Variants in DHCR24 observed in about 807,000 individuals in gnomAD.
DHCR24 encodes 24-dehydrocholesterol reductase, also known as delta(24)-sterol reductase.
In DHCR24, 28 loss-of-function variants were observed where a neutral mutation model predicts 61.2. The ratio of observed to expected loss-of-function variants is 0.46; its 90% CI spans 0.34 to 0.63. The LOEUF is 0.63. Among genes scored for constraint, DHCR24 ranks in the 20% least tolerant of loss-of-function variants. The pLI, the probability that DHCR24 is intolerant of heterozygous loss-of-function variation, is 0.01. For missense variants in DHCR24, 538 were observed against 679.1 expected (o/e 0.79, Z 2.31); for synonymous variants, 261 against 275.9 (o/e 0.95, Z 0.54).
chr1:54,870,892 T>C (rs542150614), intron 5 of DHCR24, among the ~76,000 whole-genome samples: 31 of 151,580 alleles, frequency 2.0e-4, no homozygotes, highest in African/African-American at 6.3e-4. Context: ...CCTTTCTAAA[T>C]GGAGAAAAAA....
rs372824569 is a variant in DHCR24 at position 54,876,090 on chromosome 1, C to G, written c.388-43G>C. 2.2e-5 allele frequency: 33 copies of G among 1,529,234 alleles called. No homozygotes were observed. In the African/African-American group the frequency reaches 4.4e-4, roughly 20 times the overall value. 94.7% of individuals were successfully genotyped at this position (1,529,234 alleles called of 1,614,324 possible). ...GAGACCCTGGGTCAAAAGGAGGCTG[C>G]CAGGCCCAAGGGGAGCTGCTGCACA... On this transcript the variant is annotated intron_variant, in intron 2 of 8. Coordinates refer to ENST00000371269, the MANE Select transcript of DHCR24 (RefSeq NM_014762.4).
Position 54,864,552 on chromosome 1 carries a change from G to A in DHCR24, c.1020+751C>T, listed in dbSNP as rs375416267. Among the ~76,000 whole-genome samples the A allele has an allele frequency of 9.2e-5, 14 of 152,334 alleles. No homozygotes were observed. In the East Asian group the frequency reaches 2.3e-3, roughly 25 times the overall value. On this transcript the variant is annotated intron_variant, in intron 6 of 8. Transcript: ENST00000371269. ...AAAGGGGAGAGAATAGGGAGTGGCT[G>A]CTTAATGGGTATAGGGTTTCCTTTT... is the stretch of plus-strand genomic sequence containing the variant.
intron 2 of DHCR24, among the ~76,000 whole-genome samples, chr1:54,878,968 A>C (rs1339958752): frequency 2.6e-5 from 4 of 152,206 alleles, no homozygotes; most frequent in African/African-American, 9.7e-5. Flanking sequence ...ACATCAAAAC[A>C]TTTATAATAA....
At chr1:54,863,158 A>C (rs951038177) in intron 6 of DHCR24, among the ~76,000 whole-genome samples, 39 of 150,932 alleles carry the variant, frequency 2.6e-4, no homozygotes, top group African/African-American at 8.8e-4. Flanking sequence ...CTGTCTGGAA[A>C]TCCTGCTGGT....
At chr1:54,873,673 A>G (rs1647011551) in intron 4 of DHCR24, among the ~76,000 whole-genome samples, 1 of 152,188 alleles carries the variant, frequency 6.6e-6, no homozygotes, top group South Asian at 2.1e-4. Context: ...TCTTTGAGAC[A>G]GGGTCTTGCT....
intron 5 of DHCR24, among the ~76,000 whole-genome samples, chr1:54,866,181 C>A (rs1203471389): frequency 6.6e-6 from 1 of 152,038 alleles, no homozygotes; most frequent in Non-Finnish European, 1.5e-5. Context: ...CAGGGGGGAT[C>A]CTGGAAAAGC....
At chr1:54,866,485 C>T (rs901863325) in intron 5 of DHCR24, among the ~76,000 whole-genome samples, 43 of 152,204 alleles carry the variant, frequency 2.8e-4, no homozygotes, top group African/African-American at 1.0e-3. Flanking sequence ...AAAAATGGGA[C>T]CATCTTACAC....
intron 6 of DHCR24, among the ~76,000 whole-genome samples, chr1:54,858,735 C>T (rs1235020533): frequency 6.6e-6 from 1 of 152,120 alleles, no homozygotes; most frequent in African/African-American, 2.4e-5. Context: ...CTTCTGGGTT[C>T]AAGTGATTCT....
chr1:54,884,900 C>G (rs1647084462), intron 1 of DHCR24, among the ~76,000 whole-genome samples: 6 of 152,110 alleles, frequency 3.9e-5, no homozygotes, highest in Admixed American at 3.9e-4. Flanking sequence ...ATGAAGTCAA[C>G]CTAGAAAAGC....
Position 54,853,420 on chromosome 1 carries a change from T to C in DHCR24, c.1397+14A>G, listed in dbSNP as rs898187338. 1 of 1,614,066 alleles carries C rather than the reference T, an allele frequency of 6.2e-7. No individual in the cohort carries two copies. Among genetic ancestry groups the C allele is most frequent in the Non-Finnish European group, 8.5e-7 (1 of 1,179,966 alleles). ...GTCAGCTAGAGGCAACATACTATAC[T>C]CTGGGCCACTCACCCATGCACGCTG... On this transcript the variant is annotated intron_variant, in intron 8 of 8. Coordinates refer to ENST00000371269, the MANE Select transcript of DHCR24 (RefSeq NM_014762.4).
intron 6 of DHCR24, among the ~76,000 whole-genome samples, chr1:54,860,298 C>CCA (rs1646928815): frequency 6.6e-6 from 1 of 152,212 alleles, no homozygotes; most frequent in Non-Finnish European, 1.5e-5. Context: ...TGCCACTGCC[C>CCA]CACCGCCTTT....
At chr1:54,884,345 C>T (rs1647080967) in intron 1 of DHCR24, among the ~76,000 whole-genome samples, 1 of 152,184 alleles carries the variant, frequency 6.6e-6, no homozygotes, top group Non-Finnish European at 1.5e-5. Flanking sequence ...TAATAGCTAA[C>T]ACGTATGGAG....
chr1:54,864,909 C>T (rs1330793002), intron 6 of DHCR24, among the ~76,000 whole-genome samples: 1 of 152,218 alleles, frequency 6.6e-6, no homozygotes, highest in East Asian at 1.9e-4. Flanking sequence ...CTTTCACAGC[C>T]AGGCTTGGCT....
At position 54,858,319 on chromosome 1, in the gene DHCR24, C is replaced by A. The variant is rs549381994; in HGVS notation, c.1021-4085G>T. ...CTAGCCCACTGGCCTAAAGGTGACA[C>A]AACTCTGGAGGGCCATCTTACCCCA... On this transcript the variant is annotated intron_variant, in intron 6 of 8. Coordinates refer to ENST00000371269, the MANE Select transcript of DHCR24 (RefSeq NM_014762.4). 3.3e-5 allele frequency among the ~76,000 whole-genome samples: 5 copies of A among 152,322 alleles called. No individual in the cohort carries two copies. In the South Asian group the frequency reaches 1.0e-3, roughly 32 times the overall value.
intron 7 of DHCR24, 54 bp from the exon 8 acceptor site, chr1:54,853,666 C>G: frequency 1.3e-6 from 2 of 1,565,094 alleles, no homozygotes; most frequent in Non-Finnish European, 1.7e-6. Context: ...AGGTGACAGG[C>G]TCATGGCTGG....
chr1:54,853,963 C>T, intron 7 of DHCR24, 74 bp downstream of exon 7: 2 of 1,466,856 alleles, frequency 1.4e-6, no homozygotes, highest in Non-Finnish European at 1.9e-6. Context: ...AGGTCGGTCA[C>T]ACGGTTCAGG....
chr1:54,879,272 T>A (rs1647051686), intron 2 of DHCR24, among the ~76,000 whole-genome samples: 1 of 127,768 alleles, frequency 7.8e-6, no homozygotes, highest in Non-Finnish European at 1.5e-5. Context: ...TGAGCCGAAA[T>A]CACGCCACTG....
intron 6 of DHCR24, among the ~76,000 whole-genome samples, chr1:54,855,766 C>A (rs1646904373): frequency 1.3e-5 from 2 of 152,230 alleles, no homozygotes; most frequent in Non-Finnish European, 2.9e-5. Context: ...GTCTGGCATG[C>A]AACAGGATCT....
At chr1:54,868,051 A>G (rs1037246618) in intron 5 of DHCR24, among the ~76,000 whole-genome samples, 6 of 152,202 alleles carry the variant, frequency 3.9e-5, no homozygotes, top group African/African-American at 1.2e-4. Context: ...CCTTATTTGT[A>G]GAGAGGATTG....
Sources: gnomAD v4.1 joint callset for allele counts (sites outside exome capture counted in the v4.1 genomes callset) on GRCh38, gnomAD v4.1.1 for gene constraint, MANE v1.5 for transcripts, NCBI Gene and HGNC (gene_info 2026-07-23, HGNC 2026-07-21) for gene names.